RIT2: variants seen among roughly 807,000 people sequenced by gnomAD.
The protein encoded by RIT2 is Ras like without CAAX 2, also known as GTP-binding protein Rit2.
In RIT2, 24 loss-of-function variants were observed where a neutral mutation model predicts 23.7. The observed-to-expected ratio is 1.01, with a 90% confidence interval of 0.73 to 1.43. The LOEUF is 1.43. RIT2 is among the 40% of genes most tolerant of loss of function. The pLI, the probability that RIT2 is intolerant of heterozygous loss-of-function variation, is 0.00. For missense variants in RIT2, 236 were observed against 266.9 expected, an observed-to-expected ratio of 0.88 and a Z score of 0.81; for synonymous variants, 107 against 91.1, an observed-to-expected ratio of 1.17 and a Z score of -0.99.
chr18:42,838,205 G>GT (rs990702078), intron 4 of RIT2, among the ~76,000 whole-genome samples: 51 of 151,146 alleles, frequency 3.4e-4, no homozygotes, highest in East Asian at 2.5e-3. Flanking sequence ...TTGTGCATAT[G>GT]TTTTTTTTTC....
chr18:43,101,855 A>G (rs1311082008), intron 1 of RIT2, among the ~76,000 whole-genome samples: 1 of 152,208 alleles, frequency 6.6e-6, no homozygotes, highest in Non-Finnish European at 1.5e-5. Context: ...GAAAGCTGAT[A>G]TTAGATCGTT....
At position 43,037,980 on chromosome 18, in the gene RIT2, G is replaced by A. The variant is rs577955878; in HGVS notation, c.104-4113C>T. Among the ~76,000 whole-genome samples, 19 of 152,062 alleles carry A rather than the reference G, an allele frequency of 1.2e-4. No individual in the cohort carries two copies. In the South Asian group the frequency reaches 2.1e-3, roughly 17 times the overall value. On this transcript the variant is annotated intron_variant, in intron 1 of 4. Transcript: ENST00000326695. ...AGTACTTTGAGAGGCCAAGGCGGGC[G>A]GATCACGAGGTCAGGAGATCGAGAC...
chr18:42,848,779 T>C (rs999996795), intron 4 of RIT2, among the ~76,000 whole-genome samples: 1 of 152,166 alleles, frequency 6.6e-6, no homozygotes, highest in African/African-American at 2.4e-5. Flanking sequence ...TTTGAAGTAC[T>C]GTTCTGAAAT....
chr18:42,884,308 C>G (rs1907967098), intron 4 of RIT2, among the ~76,000 whole-genome samples: 1 of 152,174 alleles, frequency 6.6e-6, no homozygotes, highest in Admixed American at 6.5e-5. Context: ...GGAAATTACT[C>G]TCTCTCTTTT....
chr18:43,038,718 G>T (rs1194089602), intron 1 of RIT2, among the ~76,000 whole-genome samples: 1 of 152,064 alleles, frequency 6.6e-6, no homozygotes, highest in African/African-American at 2.4e-5. Context: ...ACATGTCAAT[G>T]CTTTGTTAAA....
At chr18:42,825,569 A>G (rs1269883071) in intron 4 of RIT2, among the ~76,000 whole-genome samples, 1 of 151,906 alleles carries the variant, frequency 6.6e-6, no homozygotes. Context: ...CTATAGCACA[A>G]TTTTACTTAT....
chr18:43,090,114 G>A (rs943015711), intron 1 of RIT2, among the ~76,000 whole-genome samples: 8 of 152,082 alleles, frequency 5.3e-5, no homozygotes, highest in African/African-American at 1.9e-4. Flanking sequence ...CCTACAAAAT[G>A]GAGGAAAAAT....
intron 4 of RIT2, among the ~76,000 whole-genome samples, chr18:42,833,831 A>AAAAAT (rs144356017): frequency 0.05 from 7,660 of 151,754 alleles, 582 homozygotes; most frequent in East Asian, 0.32. Flanking sequence ...AAAAACAAAG[A>AAAAAT]AAAATAAAAT....
At chr18:42,927,802 C>T (rs573250049) in intron 3 of RIT2, among the ~76,000 whole-genome samples, 3 of 151,962 alleles carry the variant, frequency 2.0e-5, no homozygotes, top group Admixed American at 1.3e-4. Context: ...TGATCAGTTG[C>T]CTTTGATATA....
chr18:42,898,449 A>C (rs1194222337), intron 4 of RIT2, among the ~76,000 whole-genome samples: 1 of 152,162 alleles, frequency 6.6e-6, no homozygotes, highest in East Asian at 1.9e-4. Flanking sequence ...CTTCTTTAGA[A>C]AGATTACAGG....
At chr18:43,012,278 C>T (rs1045494160) in intron 2 of RIT2, among the ~76,000 whole-genome samples, 4 of 151,732 alleles carry the variant, frequency 2.6e-5, no homozygotes, top group African/African-American at 7.3e-5. Flanking sequence ...TACCTTATTG[C>T]CTTCAGATAC....
chr18:43,026,893 A>C (rs1459219464), intron 2 of RIT2, among the ~76,000 whole-genome samples: 2 of 152,114 alleles, frequency 1.3e-5, no homozygotes, highest in Non-Finnish European at 2.9e-5. Context: ...CAATGAAGGG[A>C]ATGTGGAGAG....
intron 4 of RIT2, among the ~76,000 whole-genome samples, chr18:42,919,667 T>C (rs1034733074): frequency 1.3e-5 from 2 of 152,000 alleles, no homozygotes; most frequent in Non-Finnish European, 2.9e-5. Flanking sequence ...TGAGTGGAGA[T>C]TGTACCACTG....
At chr18:43,033,719 T>C in intron 2 of RIT2, 92 bp downstream of exon 2, 1 of 866,178 alleles carries the variant, frequency 1.2e-6, no homozygotes, top group Non-Finnish European at 1.9e-6. Context: ...GAGTAAATTA[T>C]ATTTATTTTC....
chr18:42,970,243 T>C (rs1251159417), intron 3 of RIT2, among the ~76,000 whole-genome samples: 1 of 151,598 alleles, frequency 6.6e-6, no homozygotes, highest in Admixed American at 6.6e-5. Flanking sequence ...TCTCAGCTCA[T>C]TGTAAGAAAA....
intron 4 of RIT2, among the ~76,000 whole-genome samples, chr18:42,914,448 T>G (rs191588468): frequency 6.6e-6 from 1 of 152,110 alleles, no homozygotes; most frequent in Admixed American, 6.6e-5. Flanking sequence ...CTGAATGCTA[T>G]TTAGTAATAA....
intron 4 of RIT2, among the ~76,000 whole-genome samples, chr18:42,869,707 C>T (rs1907571697): frequency 6.6e-6 from 1 of 152,102 alleles, no homozygotes; most frequent in Non-Finnish European, 1.5e-5. Context: ...CCCATTTGTC[C>T]CTCATCTTAC....
At chr18:42,825,508 C>G (rs1395473919) in intron 4 of RIT2, among the ~76,000 whole-genome samples, 1 of 151,580 alleles carries the variant, frequency 6.6e-6, no homozygotes, top group Non-Finnish European at 1.5e-5. Flanking sequence ...TGTTTGAGTA[C>G]TAAAACATAT....
chr18:42,902,495 T>C lies in RIT2; in HGVS notation c.426+21077A>G, dbSNP rs183691788. On this transcript the variant is annotated intron_variant, in intron 4 of 4. Coordinates refer to ENST00000326695, the MANE Select transcript of RIT2 (RefSeq NM_002930.4). ...TGTTTACAGATGTTCATTCTATTAT[T>C]GTGTACTTTATAATTTACATATATT... is the stretch of plus-strand genomic sequence containing the variant. 8.4e-4 allele frequency among the ~76,000 whole-genome samples: 128 copies of C among 151,772 alleles called. 2 individuals carry two copies. The highest frequency in any genetic ancestry group is 1.9e-3 in the East Asian group (10 of 5,186).
Sources: allele counts gnomAD v4.1 joint callset (sites outside exome capture counted in the v4.1 genomes callset), GRCh38; gene constraint gnomAD v4.1.1; transcripts MANE v1.5; gene names NCBI Gene and HGNC (gene_info 2026-07-23, HGNC 2026-07-21).